Variants in MAP2K2 observed in about 807,000 individuals in gnomAD.
MAP2K2 encodes the protein dual specificity mitogen-activated protein kinase kinase 2.
Under a neutral mutation model 43.7 loss-of-function variants are expected in MAP2K2, and 24 were observed. The observed-to-expected ratio is 0.55, with a 90% confidence interval of 0.40 to 0.77. MAP2K2 has a LOEUF of 0.77. MAP2K2 is among the 30% of genes least tolerant of loss of function. The probability of loss-of-function intolerance (pLI) is 0.00; values close to 1 mark genes in which losing one functional copy is unlikely to be tolerated. For missense variants in MAP2K2, 470 were observed against 566.8 expected, an observed-to-expected ratio of 0.83 and a Z score of 1.73; for synonymous variants, 244 against 239.7, an observed-to-expected ratio of 1.02 and a Z score of -0.17.
chr19:4,119,617 T>C (rs774462607), intron 1 of MAP2K2, among the ~76,000 whole-genome samples: 1 of 152,262 alleles, frequency 6.6e-6, no homozygotes, highest in Non-Finnish European at 1.5e-5. Context: ...TGTTTCACAC[T>C]GTTTCCGTCT....
intron 3 of MAP2K2, among the ~76,000 whole-genome samples, chr19:4,108,069 GGAAACCTA>G (rs2041108889): frequency 6.6e-6 from 1 of 152,194 alleles, no homozygotes; most frequent in Admixed American, 6.5e-5. Context: ...GCCCTTCCAT[GGAAACCTA>G]TGGGCACTCA....
intron 3 of MAP2K2, among the ~76,000 whole-genome samples, chr19:4,106,824 TATC>T (rs2041090344): frequency 6.6e-6 from 1 of 152,240 alleles, no homozygotes. Context: ...AGCAGCCAAA[TATC>T]ATTCTTTAAT....
intron 3 of MAP2K2, among the ~76,000 whole-genome samples, chr19:4,103,735 G>A (rs1169808636): frequency 1.3e-5 from 2 of 152,240 alleles, no homozygotes; most frequent in Non-Finnish European, 2.9e-5. Flanking sequence ...GAGAAAGGCC[G>A]AAGGCAGTTC....
intron 3 of MAP2K2, chr19:4,103,008 AGCCCTGCGGCTCCACTGCTGGGCGTCT>A: frequency 9.4e-7 from 1 of 1,061,702 alleles, no homozygotes; most frequent in Non-Finnish European, 1.1e-6. Context: ...TCCCTCGCCA[AGCCCTGCGGCTCCACTGCTGGGCGTCT>A]GCCCTGCGCC....
chr19:4,095,503 G>A (rs1396504166), intron 8 of MAP2K2, 54 bp from the exon 9 acceptor site: 18 of 1,456,790 alleles, frequency 1.2e-5, no homozygotes, highest in South Asian at 2.4e-5. Context: ...AGGGACCCTC[G>A]GCTGCAGCCC....
At chr19:4,094,418 C>A (rs922982638) in intron 10 of MAP2K2, 35 bp downstream of exon 10, 3 of 1,550,882 alleles carry the variant, frequency 1.9e-6, no homozygotes, top group Non-Finnish European at 2.6e-6. Context: ...GCAGCCTGCA[C>A]CCTCCCGGTC....
Position 4,117,452 on chromosome 19 carries a change from C to G in MAP2K2, c.270G>C (p.Gln90His), listed in dbSNP as rs2145079852. Reference protein sequence around the residue: ...AGNGGVVTKVQHRPSGLIMAR... With the variant: ...AGNGGVVTKVHHRPSGLIMAR... Reference sequence around the variant, plus strand: ...CCATGATGAGGCCCGAGGGTCTGTGCTGGACTTTGGTGACCACCCCGCCGT... The same window carrying G: ...CCATGATGAGGCCCGAGGGTCTGTGGTGGACTTTGGTGACCACCCCGCCGT... The change falls in exon 2 of 11, where the codon CAG becomes CAC. Residue 90 changes from glutamine to histidine, a missense_variant. Physicochemically the swap from Gln to His is conservative, Grantham distance 24. Coordinates refer to ENST00000262948, the MANE Select transcript of MAP2K2 (RefSeq NM_030662.4). 2 of 1,613,894 alleles carry G rather than the reference C, an allele frequency of 1.2e-6. No individual in the cohort carries two copies. The highest frequency in any genetic ancestry group is 1.7e-6 in the Non-Finnish European group (2 of 1,180,034).
chr19:4,108,840 A>G (rs1599298572), intron 3 of MAP2K2, among the ~76,000 whole-genome samples: 1 of 150,694 alleles, frequency 6.6e-6, no homozygotes, highest in South Asian at 2.1e-4. Context: ...GGGGAAGACG[A>G]GGAAGACGAG....
chr19:4,118,067 A>C (rs1364665800), intron 1 of MAP2K2, among the ~76,000 whole-genome samples: 3 of 151,818 alleles, frequency 2.0e-5, no homozygotes, highest in Non-Finnish European at 4.4e-5. Flanking sequence ...CCTCCCAAGT[A>C]GCTGAGATTA....
At chr19:4,105,319 G>A (rs1440838691) in intron 3 of MAP2K2, among the ~76,000 whole-genome samples, 6 of 151,284 alleles carry the variant, frequency 4.0e-5, no homozygotes, top group African/African-American at 1.2e-4. Context: ...CCCAGGCGGG[G>A]GTGCAGTGGC....
chr19:4,109,068 T>C (rs2041124067), intron 3 of MAP2K2, among the ~76,000 whole-genome samples: 2 of 152,182 alleles, frequency 1.3e-5, no homozygotes, highest in African/African-American at 4.8e-5. Flanking sequence ...ATTCACTTCC[T>C]GCCTTCATTA....
rs1254414731 is a variant in MAP2K2 at position 4,090,631 on chromosome 19, G to A, written c.1170C>T (p.Asn390=). Residue 390 remains asparagine, a synonymous_variant, in exon 11 of 11, where the codon AAC becomes AAT. Transcript: ENST00000262948. ...AGWLCKTLRL[N]QPGTPTRTAV Reference sequence around the variant, plus strand: ...CGGTGCGCGTGGGTGTGCCGGGCTGGTTCAGCCGCAGGGTTTTACACAACC... The same window carrying A: ...CGGTGCGCGTGGGTGTGCCGGGCTGATTCAGCCGCAGGGTTTTACACAACC... The A allele has an allele frequency of 6.4e-7, 1 of 1,554,496 alleles. No individual in the cohort carries two copies. Among genetic ancestry groups the A allele is most frequent in the Admixed American group, 1.9e-5 (1 of 51,438 alleles).
In MAP2K2 at chr19:4,090,574, G is replaced by A. The variant is rs6629; in HGVS notation, c.*24C>T. 271,419 of 1,530,080 alleles carry A rather than the reference G, an allele frequency of 0.18. 25,295 individuals carry two copies. The highest frequency in any genetic ancestry group is 0.21 in the Admixed American group (10,447 of 50,952). The allele number at this position is 1,530,080 out of a possible 1,614,324, so 94.8% of individuals were successfully genotyped here. On this transcript the variant is annotated 3_prime_UTR_variant, in exon 11 of 11. Transcript: ENST00000262948. ...CAGGGACGGTGGGCAGGTCACCAGCGGGACGCAGGGAGCCCGGCCACTGTC... is the reference window on the plus strand; with the variant it reads ...CAGGGACGGTGGGCAGGTCACCAGCAGGACGCAGGGAGCCCGGCCACTGTC...
At chr19:4,122,554 G>A (rs1482738370) in intron 1 of MAP2K2, among the ~76,000 whole-genome samples, 4 of 96,254 alleles carry the variant, frequency 4.2e-5, no homozygotes, top group African/African-American at 1.2e-4. Flanking sequence ...GGCCCCCACC[G>A]ACACATCCTC....
chr19:4,103,286 G>C, intron 3 of MAP2K2: 7 of 981,888 alleles, frequency 7.1e-6, no homozygotes, highest in Non-Finnish European at 8.5e-6. Flanking sequence ...TGATGAAACA[G>C]AAATTCCATG....
chr19:4,099,302 T>C lies in MAP2K2; in HGVS notation c.818A>G (p.Lys273Arg), dbSNP rs539555837. Residue 273 changes from lysine to arginine, a missense_variant, in exon 7 of 11, where the codon AAA (lysine) becomes AGA (arginine). By Grantham distance (26) the Lys-to-Arg change is conservative (BLOSUM62 2). This residue lies in a region of MAP2K2 where 212 missense variants were observed against 220.8 expected (regional missense o/e 0.96). Transcript: ENST00000262948. The stretch of plus-strand genomic sequence containing the variant: ...CCGGCCAAAGATGGCCTCCAGCTCT[T>C]TGGCGTCGGGCGGGGGGATGGGGTA... ...GRYPIPPPDA[K>R]ELEAIFGRPV... is the part of the protein sequence containing the mutation. The C allele has an allele frequency of 3.2e-5, 51 of 1,607,610 alleles. No homozygotes were observed. Among genetic ancestry groups the C allele is most frequent in the Admixed American group, 2.9e-4 (17 of 59,146 alleles).
chr19:4,112,679 C>T (rs535588493), intron 2 of MAP2K2, among the ~76,000 whole-genome samples: 40 of 152,220 alleles, frequency 2.6e-4, no homozygotes, highest in African/African-American at 9.4e-4. Flanking sequence ...CCCGCCCCTG[C>T]CTGCCCCTGT....
intron 7 of MAP2K2, 136 bp downstream of exon 7, chr19:4,099,065 C>G: frequency 1.3e-6 from 1 of 745,478 alleles, no homozygotes; most frequent in Non-Finnish European, 2.2e-6. Flanking sequence ...GGGAGGACTG[C>G]TGACCACAGT....
chr19:4,102,312 G>A (rs1456836406), intron 4 of MAP2K2, 64 bp downstream of exon 4: 10 of 1,397,866 alleles, frequency 7.2e-6, no homozygotes, highest in African/African-American at 4.3e-5. Context: ...CGGAACCCTG[G>A]CCGTGTGGAA....
Sources: gnomAD v4.1 joint callset for allele counts (sites outside exome capture counted in the v4.1 genomes callset) on GRCh38, gnomAD v4.1.1 for gene constraint, gnomAD v4.1.1 regional missense constraint, MANE v1.5 for transcripts, NCBI Gene and HGNC (gene_info 2026-07-23, HGNC 2026-07-21) for gene names.